The following BIRC6 variants were observed in gnomAD, a reference collection of about 807,000 sequenced individuals.
The protein encoded by BIRC6 is baculoviral IAP repeat containing 6.
Under a neutral mutation model 503.3 loss-of-function variants are expected in BIRC6, and 98 were observed. The observed-to-expected ratio is 0.19, with a 90% CI of 0.17 to 0.23. The LOEUF (loss-of-function observed/expected upper bound fraction) is 0.23, where lower values mean the gene tolerates loss of function less well. Among genes scored for constraint, BIRC6 ranks in the 10% least tolerant of loss-of-function variants. The pLI is 1.00. For synonymous variants in BIRC6, 2,240 were observed against 2,078.7 expected (o/e 1.08, Z -2.11); for missense variants, 5,360 against 5,806.0 (o/e 0.92, Z 2.50).
At chr2:32,454,677 C>T (rs922029425) in intron 23 of BIRC6, among the ~76,000 whole-genome samples, 6 of 152,112 alleles carry the variant, frequency 3.9e-5, no homozygotes, top group Non-Finnish European at 5.9e-5. Flanking sequence ...TTAGTCTCCT[C>T]AACAGTTTAA....
intron 40 of BIRC6, 118 bp downstream of exon 40, chr2:32,485,877 A>C: frequency 1.6e-6 from 1 of 645,100 alleles, no homozygotes. Flanking sequence ...GAGGGGACTT[A>C]GTATGTAGCA....
chr2:32,554,373 A>G (rs916112574), intron 65 of BIRC6, among the ~76,000 whole-genome samples: 1 of 152,198 alleles, frequency 6.6e-6, no homozygotes, highest in Non-Finnish European at 1.5e-5. Flanking sequence ...AATGAAATCT[A>G]GAGAAATGTA....
intron 73 of BIRC6, among the ~76,000 whole-genome samples, chr2:32,613,211 G>T (rs1572412149): frequency 6.6e-6 from 1 of 150,556 alleles, no homozygotes; most frequent in African/African-American, 2.4e-5. Flanking sequence ...TTGTTTGTTT[G>T]TTTCTGAGAC....
intron 22 of BIRC6, among the ~76,000 whole-genome samples, chr2:32,450,149 A>G (rs981556141): frequency 6.6e-6 from 1 of 152,172 alleles, no homozygotes; most frequent in African/African-American, 2.4e-5. Context: ...AAGTTTGCAA[A>G]TGAGTAAAGA....
intron 66 of BIRC6, among the ~76,000 whole-genome samples, chr2:32,589,519 T>A (rs1469029729): frequency 6.6e-6 from 1 of 152,200 alleles, no homozygotes; most frequent in African/African-American, 2.4e-5. Flanking sequence ...CTACTTTGAT[T>A]TCTGTTGAAA....
chr2:32,478,499 AT>A (rs973189153), intron 35 of BIRC6, 135 bp from the exon 36 acceptor site: 254 of 618,858 alleles, frequency 4.1e-4, no homozygotes, highest in South Asian at 7.6e-4. Flanking sequence ...ATCTCAAGCA[AT>A]TTTTTTTGAT....
chr2:32,457,582 G>A (rs1196258154), intron 23 of BIRC6, among the ~76,000 whole-genome samples: 2 of 151,916 alleles, frequency 1.3e-5, no homozygotes, highest in Non-Finnish European at 2.9e-5. Context: ...AGATTATATA[G>A]TCTAGATTCC....
chr2:32,510,753 A>G (rs1243310099), intron 53 of BIRC6, 119 bp downstream of exon 53: 3 of 671,230 alleles, frequency 4.5e-6, no homozygotes, highest in Middle Eastern at 2.6e-4. Context: ...GATATATTGT[A>G]TGTTTACCAT....
intron 21 of BIRC6, 103 bp from the exon 22 acceptor site, chr2:32,448,692 G>T: frequency 2.2e-6 from 2 of 920,456 alleles, no homozygotes; most frequent in Non-Finnish European, 1.6e-6. Flanking sequence ...GAGAGGGAGA[G>T]CCCTCTGCGC....
At chr2:32,439,722 T>C in intron 16 of BIRC6, 36 bp downstream of exon 16, 2 of 1,573,128 alleles carry the variant, frequency 1.3e-6, no homozygotes, top group Non-Finnish European at 1.7e-6. Flanking sequence ...AACAATACAG[T>C]TTTAAACATT....
At chr2:32,611,821 G>A (rs1224357030) in intron 73 of BIRC6, among the ~76,000 whole-genome samples, 1 of 152,132 alleles carries the variant, frequency 6.6e-6, no homozygotes, top group African/African-American at 2.4e-5. Context: ...ACAGAGTTTT[G>A]TAAAGTTCCT....
intron 3 of BIRC6, among the ~76,000 whole-genome samples, chr2:32,388,129 G>A (rs1019501452): frequency 2.6e-5 from 4 of 152,026 alleles, no homozygotes; most frequent in African/African-American, 4.8e-5. Flanking sequence ...GCTCATGCCT[G>A]TAATCCCAGC....
intron 44 of BIRC6, among the ~76,000 whole-genome samples, chr2:32,492,936 G>A (rs2051929863): frequency 6.6e-6 from 1 of 151,220 alleles, no homozygotes. Flanking sequence ...ATGTAGAAGT[G>A]TTAGAGCACA....
At chr2:32,510,253 A>G (rs2054263691) in intron 52 of BIRC6, among the ~76,000 whole-genome samples, 1 of 151,940 alleles carries the variant, frequency 6.6e-6, no homozygotes, top group African/African-American at 2.4e-5. Flanking sequence ...TAATTTTTGT[A>G]TTTTTAGTAG....
intron 11 of BIRC6, 134 bp downstream of exon 11, chr2:32,429,429 G>C: frequency 1.5e-6 from 1 of 663,310 alleles, no homozygotes; most frequent in East Asian, 3.2e-5. Context: ...CTCAATATTT[G>C]TGAAGTCATC....
intron 9 of BIRC6, among the ~76,000 whole-genome samples, chr2:32,410,235 AT>A (rs2041710789): frequency 6.6e-6 from 1 of 152,192 alleles, no homozygotes; most frequent in African/African-American, 2.4e-5. Context: ...AGTACATGTT[AT>A]AAAAATATCT....
chr2:32,449,050 T>G (rs949165975), intron 22 of BIRC6, 122 bp downstream of exon 22: 1 of 850,086 alleles, frequency 1.2e-6, no homozygotes. Context: ...CCTTAGAACT[T>G]ATCATATGAA....
At chr2:32,416,249 G>C (rs971974810) in intron 10 of BIRC6, 86 bp downstream of exon 10, 9 of 1,316,690 alleles carry the variant, frequency 6.8e-6, no homozygotes, top group Non-Finnish European at 9.3e-6. Context: ...TGAATTTTAG[G>C]TTCAAATAGA....
At chr2:32,506,040 G>A (rs937999676) in intron 50 of BIRC6, among the ~76,000 whole-genome samples, 6 of 151,768 alleles carry the variant, frequency 4.0e-5, no homozygotes, top group African/African-American at 1.5e-4. Context: ...GTAGAGACGG[G>A]GTTTTGTTAT....
Sources: gnomAD v4.1 joint callset for allele counts (sites outside exome capture counted in the v4.1 genomes callset) on GRCh38, gnomAD v4.1.1 for gene constraint, MANE v1.5 for transcripts, NCBI Gene and HGNC (gene_info 2026-07-23, HGNC 2026-07-21) for gene names.